SLC4A4: variants seen among roughly 807,000 people sequenced by gnomAD.
SLC4A4 encodes the protein solute carrier family 4 member 4.
Under a neutral mutation model 111.5 loss-of-function variants are expected in SLC4A4, and 27 were observed. That is an observed-to-expected ratio of 0.24 (90% confidence interval 0.18 to 0.33). The LOEUF is 0.33. SLC4A4 is among the 10% of genes least tolerant of loss of function. The pLI is 1.00. For missense variants in SLC4A4, 909 were observed against 1,315.5 expected, an observed-to-expected ratio of 0.69 and a Z score of 4.78; for synonymous variants, 443 against 463.4, an observed-to-expected ratio of 0.96 and a Z score of 0.57.
chr4:71,309,031 A>C (rs1188971032), intron 3 of SLC4A4, among the ~76,000 whole-genome samples: 1 of 152,156 alleles, frequency 6.6e-6, no homozygotes, highest in Non-Finnish European at 1.5e-5. Flanking sequence ...TGGGACGCTC[A>C]AGCTTGGTGG....
In SLC4A4 at chr4:71,425,134, A is replaced by T. The variant is rs189918193; in HGVS notation, c.808-15482A>T. Among the ~76,000 whole-genome samples the T allele has an allele frequency of 3.1e-3, 468 of 152,258 alleles. 3 individuals are homozygous for T. Among genetic ancestry groups the T allele is most frequent in the African/African-American group, 0.011 (448 of 41,574 alleles). ...AGAAATGGAATGTTGAGGTGTGTTT[A>T]AGATGGTATTTGTCCAGGCTATTCA... On this transcript the variant is annotated intron_variant, in intron 7 of 25. Transcript: ENST00000264485.
intron 9 of SLC4A4, among the ~76,000 whole-genome samples, chr4:71,449,380 T>C (rs1426037546): frequency 6.6e-6 from 1 of 152,202 alleles, no homozygotes; most frequent in African/African-American, 2.4e-5. Context: ...TCTGCACAGT[T>C]GGCTGGGAAA....
At position 71,338,548 on chromosome 4, in the gene SLC4A4, C is replaced by T. The variant is rs956433016; in HGVS notation, c.254-822C>T. Among the ~76,000 whole-genome samples, 8 of 149,236 alleles carry T rather than the reference C, an allele frequency of 5.4e-5. No homozygotes were observed. In the South Asian group the frequency reaches 6.3e-4, roughly 12 times the overall value. On this transcript the variant is annotated intron_variant, in intron 3 of 25. Coordinates refer to ENST00000264485, the MANE Select transcript of SLC4A4 (RefSeq NM_001098484.3). ...TTCTTCTTCTTCTTCTTTCTTCTTT[C>T]GTCGTCTTCTTCTTCTTCTTTTTTT...
intron 2 of SLC4A4, among the ~76,000 whole-genome samples, chr4:71,151,945 G>T (rs1355294250): frequency 6.6e-6 from 1 of 151,720 alleles, no homozygotes; most frequent in Admixed American, 6.6e-5. Context: ...TACACCTGTA[G>T]TCCCAGGTAT....
At chr4:71,277,604 C>CTCCT (rs111421338) in intron 3 of SLC4A4, among the ~76,000 whole-genome samples, 80 of 143,352 alleles carry the variant, frequency 5.6e-4, no homozygotes, top group Middle Eastern at 3.6e-3. Flanking sequence ...TTCTCTCTCT[C>CTCCT]TCCTTCCTTC....
chr4:71,144,819 G>T (rs568758168), intron 2 of SLC4A4, among the ~76,000 whole-genome samples: 15 of 152,316 alleles, frequency 9.8e-5, no homozygotes, highest in African/African-American at 3.4e-4. Context: ...CTTTGCTGAA[G>T]TTGCTTATCA....
intron 23 of SLC4A4, 32 bp from the exon 24 acceptor site, chr4:71,563,761 A>C (rs1359725387): frequency 1.5e-6 from 2 of 1,373,196 alleles, no homozygotes; most frequent in African/African-American, 2.9e-5. Flanking sequence ...TAATAAAAAC[A>C]TTCTAAAACC....
At chr4:71,524,803 C>G (rs1270003575) in intron 16 of SLC4A4, among the ~76,000 whole-genome samples, 2 of 152,016 alleles carry the variant, frequency 1.3e-5, no homozygotes, top group African/African-American at 4.8e-5. Context: ...TTTTACACTG[C>G]TGTTTAGCAT....
In SLC4A4 at chr4:71,570,643, A is replaced by G. The variant is rs992120113; in HGVS notation, c.*2892A>G. Reference sequence around the variant, plus strand: ...GATAAAGGATTCAAAAGATAAAGACAAAGTACGCTCAGAGTTGTTAACCAG... The same window carrying G: ...GATAAAGGATTCAAAAGATAAAGACGAAGTACGCTCAGAGTTGTTAACCAG... On this transcript the variant is annotated 3_prime_UTR_variant, in exon 26 of 26. Coordinates refer to ENST00000264485, the MANE Select transcript of SLC4A4 (RefSeq NM_001098484.3). 1 of 152,246 alleles carries G rather than the reference A, an allele frequency of 6.6e-6. No individual in the cohort carries two copies. Among genetic ancestry groups the G allele is most frequent in the Non-Finnish European group, 1.5e-5 (1 of 67,866 alleles). The allele number at this position is 152,246 out of a possible 1,614,324, so 9.4% of individuals were successfully genotyped here.
rs576450879 is a variant in SLC4A4, at chr4:71,490,082, A to AT, written c.1974+3069dup. ...TCTTTATTTCTTCTCACTTTCTCCA[A>AT]TTTTTCTATAGATTTCTTGCTTGGT... On this transcript the variant is annotated intron_variant, in intron 15 of 25. Coordinates refer to ENST00000264485, the MANE Select transcript of SLC4A4 (RefSeq NM_001098484.3). Among the ~76,000 whole-genome samples, 569 of 151,846 alleles carry AT rather than the reference A, an allele frequency of 3.7e-3. 4 individuals are homozygous for AT. Among genetic ancestry groups the AT allele is most frequent in the Non-Finnish European group, 6.1e-3 (415 of 67,838 alleles).
At chr4:71,183,331 C>T (rs1025273752), upstream of SLC4A4, among the ~76,000 whole-genome samples, 14 of 152,214 alleles carry the variant, frequency 9.2e-5, no homozygotes, top group Admixed American at 7.2e-4. Context: ...TTGGGACACA[C>T]GTTTAACCAA....
At chr4:71,560,547 G>A (rs547486333) in intron 23 of SLC4A4, among the ~76,000 whole-genome samples, 65 of 151,814 alleles carry the variant, frequency 4.3e-4, no homozygotes, top group African/African-American at 1.5e-3. Context: ...TAGATATAAA[G>A]GAAGTTTGCT....
chr4:71,269,367 A>G lies in SLC4A4; in HGVS notation c.253+13968A>G, dbSNP rs192381575. ...GTATAATAGCTTTTACCGTATTTGA[A>G]ATTCCAGCAGTTTAGGTGACAGTTG... On this transcript the variant is annotated intron_variant, in intron 3 of 25. Transcript: ENST00000264485. 6.6e-5 allele frequency among the ~76,000 whole-genome samples: 10 copies of G among 152,292 alleles called. No homozygotes were observed. In the East Asian group the frequency reaches 1.9e-3, roughly 29 times the overall value.
chr4:71,464,854 A>G (rs1454893019), intron 12 of SLC4A4, among the ~76,000 whole-genome samples: 1 of 152,148 alleles, frequency 6.6e-6, no homozygotes, highest in Non-Finnish European at 1.5e-5. Context: ...AATTATTGTA[A>G]TAATGGTCTC....
At chr4:71,431,975 A>T (rs1723679205) in intron 7 of SLC4A4, among the ~76,000 whole-genome samples, 1 of 152,132 alleles carries the variant, frequency 6.6e-6, no homozygotes, top group Admixed American at 6.5e-5. Flanking sequence ...ATGCAAAGCA[A>T]ATGTTTGATA....
Position 71,339,575 on chromosome 4 carries a change from G to C in SLC4A4, c.389+70G>C, listed in dbSNP as rs1057023845. 4 of 1,510,354 alleles carry C rather than the reference G, an allele frequency of 2.6e-6. No individual in the cohort carries two copies. The African/African-American group carries it at 5.5e-5, about 21-fold the overall frequency. 93.6% of individuals were successfully genotyped at this position (1,510,354 alleles called of 1,614,324 possible). A position where few individuals can be genotyped will look rare whatever the true frequency, so the allele number is the denominator to read the frequency against. Reference sequence around the variant, plus strand: ...GGGCAGGGCAAGATGCTTGATCCTGGAGTGCCGTTCTTTAGCCTTAGCACT... The same window carrying C: ...GGGCAGGGCAAGATGCTTGATCCTGCAGTGCCGTTCTTTAGCCTTAGCACT... On this transcript the variant is annotated intron_variant, in intron 4 of 25. Coordinates refer to ENST00000264485, the MANE Select transcript of SLC4A4 (RefSeq NM_001098484.3).
intron 16 of SLC4A4, among the ~76,000 whole-genome samples, chr4:71,509,061 G>A (rs1477969181): frequency 6.6e-6 from 1 of 152,148 alleles, no homozygotes; most frequent in Non-Finnish European, 1.5e-5. Flanking sequence ...ATTCGTTTAT[G>A]TTAAAAACTC....
chr4:71,505,336 C>A (rs1214854612), intron 16 of SLC4A4, among the ~76,000 whole-genome samples: 1 of 152,022 alleles, frequency 6.6e-6, no homozygotes, highest in African/African-American at 2.4e-5. Context: ...AAGGCTTTTT[C>A]TCCACAACTT....
At chr4:71,309,185 C>A in intron 3 of SLC4A4, among the ~76,000 whole-genome samples, 1 of 152,188 alleles carries the variant, frequency 6.6e-6, no homozygotes, top group Non-Finnish European at 1.5e-5. Context: ...GGCAGGGCAT[C>A]TCTGAAAGAA....
Sources: allele counts gnomAD v4.1 joint callset (sites outside exome capture counted in the v4.1 genomes callset), GRCh38; gene constraint gnomAD v4.1.1; transcripts MANE v1.5; gene names NCBI Gene and HGNC (gene_info 2026-07-23, HGNC 2026-07-21).